ST6GALNAC3: variants seen among roughly 807,000 people sequenced by gnomAD.
The protein encoded by ST6GALNAC3 is ST6 N-acetylgalactosaminide alpha-2,6-sialyltransferase 3, also known as alpha-N-acetylgalactosaminide alpha-2,6-sialyltransferase 3.
In ST6GALNAC3, 25 loss-of-function variants were observed where a neutral mutation model predicts 32.7. That is an observed-to-expected ratio of 0.76 (90% confidence interval 0.56 to 1.07). The LOEUF (loss-of-function observed/expected upper bound fraction) is 1.07, where lower values mean the gene tolerates loss of function less well. ST6GALNAC3 is among the 50% of genes least tolerant of loss of function. The pLI is 0.00. For synonymous variants in ST6GALNAC3, 129 were observed against 133.1 expected, an observed-to-expected ratio of 0.97 and a Z score of 0.21; for missense variants, 355 against 382.4, an observed-to-expected ratio of 0.93 and a Z score of 0.60.
At chr1:76,429,808 G>C (rs1421500692) in intron 3 of ST6GALNAC3, among the ~76,000 whole-genome samples, 1 of 152,082 alleles carries the variant, frequency 6.6e-6, no homozygotes, top group Admixed American at 6.6e-5. Context: ...AGTAAATACA[G>C]GTAGAAATTG....
intron 3 of ST6GALNAC3, among the ~76,000 whole-genome samples, chr1:76,505,130 T>C (rs1384778595): frequency 6.8e-6 from 1 of 146,214 alleles, no homozygotes; most frequent in Non-Finnish European, 1.5e-5. Flanking sequence ...AGCCAAAGCT[T>C]TTTTTTTTTT....
chr1:76,079,409 C>G (rs1190820524), intron 1 of ST6GALNAC3, among the ~76,000 whole-genome samples: 6 of 152,132 alleles, frequency 3.9e-5, no homozygotes, highest in Non-Finnish European at 7.4e-5. Flanking sequence ...GGTACATTTT[C>G]AGCACAGTGT....
chr1:76,147,749 G>A (rs1025520145), intron 1 of ST6GALNAC3, among the ~76,000 whole-genome samples: 5 of 152,106 alleles, frequency 3.3e-5, no homozygotes, highest in Admixed American at 2.0e-4. Flanking sequence ...AATGAATGAG[G>A]GAGCCTTCTC....
chr1:76,330,299 C>A (rs1175210383), intron 2 of ST6GALNAC3, among the ~76,000 whole-genome samples: 1 of 152,070 alleles, frequency 6.6e-6, no homozygotes, highest in Non-Finnish European at 1.5e-5. Flanking sequence ...ATTACAGGTG[C>A]ACACCATCAT....
At chr1:76,564,239 A>G (rs564453121) in intron 3 of ST6GALNAC3, among the ~76,000 whole-genome samples, 1 of 152,370 alleles carries the variant, frequency 6.6e-6, no homozygotes, top group Admixed American at 6.5e-5. Context: ...AGTGGGAGAT[A>G]AAGAGATTAT....
intron 1 of ST6GALNAC3, among the ~76,000 whole-genome samples, chr1:76,094,684 T>C (rs998075678): frequency 2.6e-5 from 4 of 152,176 alleles, no homozygotes; most frequent in African/African-American, 9.7e-5. Flanking sequence ...TTTCCAAAGA[T>C]TGTTCTAATG....
intron 1 of ST6GALNAC3, among the ~76,000 whole-genome samples, chr1:76,271,211 G>T (rs1250187106): frequency 6.6e-6 from 1 of 152,134 alleles, no homozygotes; most frequent in Non-Finnish European, 1.5e-5. Flanking sequence ...TGTTGATTTG[G>T]CAAGAGACTT....
intron 3 of ST6GALNAC3, among the ~76,000 whole-genome samples, chr1:76,525,809 A>ACG (rs1662869441): frequency 1.5e-5 from 2 of 131,730 alleles, no homozygotes; most frequent in African/African-American, 5.3e-5. Flanking sequence ...ATATATATAT[A>ACG]TATATATATA....
intron 1 of ST6GALNAC3, among the ~76,000 whole-genome samples, chr1:76,157,706 G>A (rs1651547323): frequency 6.6e-6 from 1 of 151,970 alleles, no homozygotes; most frequent in Non-Finnish European, 1.5e-5. Context: ...AAATTTCAAT[G>A]GGTTTTCACA....
At chr1:76,242,915 A>G (rs530532121) in intron 1 of ST6GALNAC3, among the ~76,000 whole-genome samples, 1 of 152,304 alleles carries the variant, frequency 6.6e-6, no homozygotes, top group South Asian at 2.1e-4. Context: ...CAATAAGCAT[A>G]CGTGTGCATA....
intron 2 of ST6GALNAC3, among the ~76,000 whole-genome samples, chr1:76,322,798 A>G (rs115955525): frequency 0.04 from 5,735 of 144,170 alleles, 357 homozygotes; most frequent in African/African-American, 0.14. Context: ...TAACCGAGTC[A>G]TCTGACTAAT....
At chr1:76,085,424 T>G (rs1364295152) in intron 1 of ST6GALNAC3, among the ~76,000 whole-genome samples, 1 of 152,104 alleles carries the variant, frequency 6.6e-6, no homozygotes, top group Non-Finnish European at 1.5e-5. Flanking sequence ...TGCCTCACAC[T>G]CTGAATGGTG....
intron 3 of ST6GALNAC3, among the ~76,000 whole-genome samples, chr1:76,421,003 G>A (rs1267007605): frequency 6.6e-6 from 1 of 151,812 alleles, no homozygotes. Flanking sequence ...ACTATTTGAG[G>A]GAATACCAGC....
In ST6GALNAC3 at chr1:76,197,233, T is replaced by A. The variant is rs568387448; in HGVS notation, c.19-116572T>A. Among the ~76,000 whole-genome samples the A allele has an allele frequency of 1.4e-4, 22 of 152,242 alleles. No homozygotes were observed. The East Asian group carries it at 4.1e-3, about 28-fold the overall frequency. On this transcript the variant is annotated intron_variant, in intron 1 of 4. Transcript: ENST00000328299. ...TGATGAAGATGTGCTAAATGAAGAG[T>A]GTTGGTAGTTTGATGATTACCAATG...
At chr1:76,334,430 C>T (rs750187043) in intron 2 of ST6GALNAC3, among the ~76,000 whole-genome samples, 12 of 152,172 alleles carry the variant, frequency 7.9e-5, no homozygotes, top group Non-Finnish European at 1.6e-4. Context: ...ATATAGCCAT[C>T]GTTCCCACGT....
intron 3 of ST6GALNAC3, among the ~76,000 whole-genome samples, chr1:76,607,137 C>A (rs1387508050): frequency 6.6e-6 from 1 of 152,134 alleles, no homozygotes; most frequent in Non-Finnish European, 1.5e-5. Context: ...GTTTATTCAC[C>A]ATTGCTGGTT....
At chr1:76,586,004 G>A (rs918913671) in intron 3 of ST6GALNAC3, among the ~76,000 whole-genome samples, 1 of 152,116 alleles carries the variant, frequency 6.6e-6, no homozygotes, top group African/African-American at 2.4e-5. Flanking sequence ...AACCAAAAAT[G>A]CTTAAAATTA....
At chr1:76,527,865 C>T (rs866269809) in intron 3 of ST6GALNAC3, among the ~76,000 whole-genome samples, 2 of 152,006 alleles carry the variant, frequency 1.3e-5, no homozygotes, top group African/African-American at 2.4e-5. Context: ...GGGAGGATAA[C>T]GTCTCCAAAA....
chr1:76,493,740 T>G (rs2101700139), intron 3 of ST6GALNAC3, among the ~76,000 whole-genome samples: 1 of 152,274 alleles, frequency 6.6e-6, no homozygotes, highest in Admixed American at 6.5e-5. Context: ...CATGTATTGA[T>G]TTATCTGTTA....
Sources: allele counts gnomAD v4.1 joint callset (sites outside exome capture counted in the v4.1 genomes callset), GRCh38; gene constraint gnomAD v4.1.1; transcripts MANE v1.5; gene names NCBI Gene and HGNC (gene_info 2026-07-23, HGNC 2026-07-21).